The following MACROD2 variants were observed in gnomAD, a reference collection of about 807,000 sequenced individuals.
MACROD2 encodes the protein ADP-ribose glycohydrolase MACROD2.
Under a neutral mutation model 70.4 loss-of-function variants are expected in MACROD2, and 36 were observed. The observed-to-expected ratio is 0.51, with a 90% CI of 0.39 to 0.68. The LOEUF (loss-of-function observed/expected upper bound fraction) is 0.68. Ranked by LOEUF, MACROD2 falls within the 30% of genes least tolerant of loss-of-function variation. The pLI is 0.00. For missense variants in MACROD2, 496 were observed against 538.4 expected (o/e 0.92, Z 0.78); for synonymous variants, 172 against 178.8 (o/e 0.96, Z 0.30).
intron 6 of MACROD2, among the ~76,000 whole-genome samples, chr20:15,377,875 A>G (rs2045583876): frequency 6.6e-6 from 1 of 152,174 alleles, no homozygotes; most frequent in South Asian, 2.1e-4. Flanking sequence ...AATCATTCTC[A>G]GCAAACTAAC....
At chr20:14,061,686 G>T (rs1274741093) in intron 2 of MACROD2, among the ~76,000 whole-genome samples, 1 of 152,084 alleles carries the variant, frequency 6.6e-6, no homozygotes, top group Non-Finnish European at 1.5e-5. Flanking sequence ...TATAAGTATA[G>T]TTATGGAATT....
intron 4 of MACROD2, among the ~76,000 whole-genome samples, chr20:14,596,197 TGCCTCA>T (rs1286488714): frequency 6.6e-6 from 1 of 151,564 alleles, no homozygotes; most frequent in Non-Finnish European, 1.5e-5. Flanking sequence ...GCCATTCTCC[TGCCTCA>T]GCCTCCCGAG....
Position 15,339,709 on chromosome 20 carries a change from G to A in MACROD2, c.541-91696G>A, listed in dbSNP as rs142140544. On this transcript the variant is annotated intron_variant, in intron 6 of 17. Coordinates refer to ENST00000684519, the MANE Select transcript of MACROD2 (RefSeq NM_001351661.2). ...TTGTTATTGGATATTACTTGAACCA[G>A]TTTCTGTTTATGGAACACTTAGAAA... Among the ~76,000 whole-genome samples the A allele has an allele frequency of 1.6e-4, 24 of 151,856 alleles. 1 individual carries two copies. In the East Asian group the frequency reaches 4.6e-3, roughly 29 times the overall value.
chr20:14,896,713 G>T (rs1337897687), intron 5 of MACROD2, among the ~76,000 whole-genome samples: 2 of 151,938 alleles, frequency 1.3e-5, no homozygotes, highest in Non-Finnish European at 2.9e-5. Context: ...CAGTTATATG[G>T]CATTTGGTGC....
chr20:14,399,083 G>A (rs980880800), intron 3 of MACROD2, among the ~76,000 whole-genome samples: 3 of 149,568 alleles, frequency 2.0e-5, no homozygotes, highest in Non-Finnish European at 3.0e-5. Context: ...GCAGTGGCAC[G>A]ATCTCAGCTC....
intron 12 of MACROD2, among the ~76,000 whole-genome samples, chr20:15,946,674 G>T (rs751462665): frequency 3.9e-5 from 6 of 152,156 alleles, no homozygotes; most frequent in Non-Finnish European, 8.8e-5. Flanking sequence ...AATGCAGGGG[G>T]CCAGCCCCTC....
At chr20:14,429,701 T>C (rs1330173151) in intron 3 of MACROD2, among the ~76,000 whole-genome samples, 1 of 152,182 alleles carries the variant, frequency 6.6e-6, no homozygotes, top group Non-Finnish European at 1.5e-5. Flanking sequence ...TCTCTGGCAC[T>C]AGAAGAGCTT....
chr20:15,110,056 T>A (rs891115297), intron 5 of MACROD2, among the ~76,000 whole-genome samples: 4 of 152,082 alleles, frequency 2.6e-5, no homozygotes, highest in Non-Finnish European at 5.9e-5. Flanking sequence ...GCTAGAGAAC[T>A]CAAAGTATGG....
At chr20:15,362,157 G>A (rs569647216) in intron 6 of MACROD2, among the ~76,000 whole-genome samples, 50 of 151,832 alleles carry the variant, frequency 3.3e-4, no homozygotes, top group Non-Finnish European at 4.9e-4. Context: ...GATTACAGGC[G>A]CACACCACCA....
intron 15 of MACROD2, among the ~76,000 whole-genome samples, chr20:16,016,230 A>G (rs1030328711): frequency 2.0e-5 from 3 of 152,194 alleles, no homozygotes; most frequent in Non-Finnish European, 4.4e-5. Context: ...TACCTCTACA[A>G]ATGAATCACC....
chr20:14,066,303 T>C (rs567770604), intron 2 of MACROD2, among the ~76,000 whole-genome samples: 1 of 152,206 alleles, frequency 6.6e-6, no homozygotes, highest in South Asian at 2.1e-4. Flanking sequence ...CTATATTTAT[T>C]GGGCATTTAC....
intron 6 of MACROD2, among the ~76,000 whole-genome samples, chr20:15,331,990 G>A (rs370151217): frequency 8.6e-5 from 13 of 151,412 alleles, no homozygotes; most frequent in African/African-American, 2.9e-4. Flanking sequence ...CTCACAGAGG[G>A]GTCTTATTTC....
chr20:14,251,867 T>G (rs2082015404), intron 3 of MACROD2, among the ~76,000 whole-genome samples: 3 of 152,088 alleles, frequency 2.0e-5, no homozygotes, highest in Admixed American at 1.3e-4. Context: ...TGAATTTCCT[T>G]AAGACCATGT....
chr20:14,531,242 C>A (rs180767859), intron 4 of MACROD2, among the ~76,000 whole-genome samples: 1 of 152,164 alleles, frequency 6.6e-6, no homozygotes, highest in Non-Finnish European at 1.5e-5. Context: ...ATGGTCTCTG[C>A]GGATACAATT....
chr20:15,410,871 G>A (rs980538464), intron 6 of MACROD2, among the ~76,000 whole-genome samples: 1 of 152,164 alleles, frequency 6.6e-6, no homozygotes, highest in Admixed American at 6.5e-5. Flanking sequence ...ACCAGACAGA[G>A]CTCTGGACCT....
At chr20:15,107,811 A>G (rs1474950792) in intron 5 of MACROD2, among the ~76,000 whole-genome samples, 2 of 151,964 alleles carry the variant, frequency 1.3e-5, no homozygotes, top group African/African-American at 4.8e-5. Flanking sequence ...AGAATGTGGG[A>G]TTTTTACTGT....
At chr20:14,200,806 G>C (rs2081473211) in intron 3 of MACROD2, among the ~76,000 whole-genome samples, 1 of 152,056 alleles carries the variant, frequency 6.6e-6, no homozygotes, top group Non-Finnish European at 1.5e-5. Context: ...GTTGTAATTT[G>C]CTTCTTTGTA....
At chr20:15,140,348 A>G (rs1270723420) in intron 5 of MACROD2, among the ~76,000 whole-genome samples, 1 of 138,182 alleles carries the variant, frequency 7.2e-6, no homozygotes, top group African/African-American at 2.7e-5. Flanking sequence ...GCCTATCAGT[A>G]CATTATAATA....
At chr20:14,639,725 G>A (rs547121949) in intron 4 of MACROD2, among the ~76,000 whole-genome samples, 67 of 152,196 alleles carry the variant, frequency 4.4e-4, no homozygotes, top group Admixed American at 7.8e-4. Context: ...ATCAAAAGTA[G>A]GATTTACTGA....
Sources: allele counts gnomAD v4.1 joint callset (sites outside exome capture counted in the v4.1 genomes callset), GRCh38; gene constraint gnomAD v4.1.1; transcripts MANE v1.5; gene names NCBI Gene and HGNC (gene_info 2026-07-23, HGNC 2026-07-21).